PDE4DIP: variants seen among roughly 807,000 people sequenced by gnomAD.
PDE4DIP encodes phosphodiesterase 4D interacting protein.
A neutral mutation model predicts 221.4 loss-of-function variants in PDE4DIP; 59 were observed. The ratio of observed to expected loss-of-function variants is 0.27; its 90% CI spans 0.22 to 0.33. PDE4DIP has a LOEUF of 0.33. Ranked by LOEUF, PDE4DIP falls within the 10% of genes least tolerant of loss-of-function variation. The pLI, the probability that PDE4DIP is intolerant of heterozygous loss-of-function variation, is 1.00. For synonymous variants in PDE4DIP, 404 were observed against 815.9 expected (o/e 0.50, Z 8.60); for missense variants, 1,036 against 2,154.2 (o/e 0.48, Z 10.28).
At chr1:148,977,950 C>T in exon 18 of PDE4DIP, 3 of 1,613,380 alleles carry the variant, frequency 1.9e-6, no homozygotes, top group Non-Finnish European at 2.5e-6. Flanking sequence ...GAACTTTCTG[C>T]TCTACAGTCC....
In PDE4DIP at chr1:148,935,176, T is replaced by C. The variant is rs1210297831; in HGVS notation, c.519-2571T>C. On this transcript the variant is annotated intron_variant, in intron 4 of 43. Coordinates refer to ENST00000369354, the Ensembl canonical transcript of PDE4DIP. Reference sequence around the variant, plus strand: ...TTGCAGTGAGCCAAGATTGCGCCACTGCACTCCAGTCTGGCGACAGAGCAA... The same window carrying C: ...TTGCAGTGAGCCAAGATTGCGCCACCGCACTCCAGTCTGGCGACAGAGCAA... Among the ~76,000 whole-genome samples, 9 of 151,696 alleles carry C rather than the reference T, an allele frequency of 5.9e-5. No individual in the cohort carries two copies. The East Asian group carries it at 1.4e-3, about 23-fold the overall frequency.
rs371941617 is a variant in PDE4DIP, at chr1:149,028,555, C to A, written c.6670-5C>A. On this transcript the variant is annotated splice_region_variant and splice_polypyrimidine_tract_variant and intron_variant, in intron 40 of 43. Coordinates refer to ENST00000369354, the Ensembl canonical transcript of PDE4DIP. Reference sequence around the variant, plus strand: ...CTCCGCTCCTGTGGTGTTACCTTTCCCCAGGTGCTAGGCAGCAAAGGTATT... The same window carrying A: ...CTCCGCTCCTGTGGTGTTACCTTTCACCAGGTGCTAGGCAGCAAAGGTATT... The A allele has an allele frequency of 1.3e-5, 21 of 1,609,906 alleles. No homozygotes were observed. In the South Asian group the frequency reaches 2.3e-4, roughly 18 times the overall value.
intron 38 of PDE4DIP, chr1:149,025,579 C>T (rs1162549328): frequency 1.3e-5 from 2 of 151,018 alleles, no homozygotes; most frequent in African/African-American, 4.9e-5. Context: ...TCTCTTAAAT[C>T]ATTCAATTTC....
intron 38 of PDE4DIP, among the ~76,000 whole-genome samples, chr1:149,025,501 C>G (rs1285746936): frequency 3.9e-5 from 6 of 152,162 alleles, no homozygotes; most frequent in African/African-American, 1.4e-4. Context: ...CCAGGTCCCC[C>G]TTCTCAATAT....
intron 18 of PDE4DIP, 95 bp downstream of exon 21, chr1:148,978,148 T>TG: frequency 7.6e-7 from 1 of 1,322,220 alleles, no homozygotes; most frequent in Non-Finnish European, 1.1e-6. Context: ...TCGAATCCCT[T>TG]GGCCAGTGAT....
At chr1:149,019,386 A>T (rs1553615522) in intron 35 of PDE4DIP, 1 of 148,092 alleles carries the variant, frequency 6.8e-6, no homozygotes, top group African/African-American at 2.5e-5. Flanking sequence ...AAAAGGATTA[A>T]GCCCAGAATG....
chr1:148,953,900 G>C, intron 5 of PDE4DIP: 1 of 1,611,782 alleles, frequency 6.2e-7, no homozygotes, highest in Non-Finnish European at 8.5e-7. Flanking sequence ...GCCGCTCCGG[G>C]TCCAGGTATA....
exon 44 of PDE4DIP, chr1:149,032,304 G>A (rs1297633184): frequency 1.7e-6 from 1 of 589,864 alleles, no homozygotes; most frequent in Non-Finnish European, 3.0e-6. Flanking sequence ...CAGCAGCTTG[G>A]GAACTAGCAA....
At chr1:149,030,399 C>G (rs1214271519) in intron 43 of PDE4DIP, 121 bp downstream of exon 46, 3 of 1,518,570 alleles carry the variant, frequency 2.0e-6, no homozygotes, top group Admixed American at 4.1e-5. Flanking sequence ...GACTTGGGGT[C>G]CACTTGCAAG....
At chr1:148,994,633 TACATATTCATAA>T (rs1338997713) in intron 22 of PDE4DIP, among the ~76,000 whole-genome samples, 1 of 152,226 alleles carries the variant, frequency 6.6e-6, no homozygotes, top group Admixed American at 6.5e-5. Flanking sequence ...CCAAGCTAAT[TACATATTCATAA>T]ACTTACCTAC....
At chr1:148,933,657 C>A (rs2048562546) in intron 4 of PDE4DIP, among the ~76,000 whole-genome samples, 1 of 152,116 alleles carries the variant, frequency 6.6e-6, no homozygotes, top group Non-Finnish European at 1.5e-5. Context: ...TAGGCAAAAA[C>A]CACATGTGCA....
At chr1:148,943,820 GA>G (rs1186600812) in intron 5 of PDE4DIP, among the ~76,000 whole-genome samples, 1 of 138,332 alleles carries the variant, frequency 7.2e-6, no homozygotes, top group African/African-American at 2.7e-5. Flanking sequence ...CACAGTTCTG[GA>G]GGCTGGGAAG....
chr1:148,965,741 AT>A (rs1559047103), intron 10 of PDE4DIP, 99 bp downstream of exon 13: 100 of 506,920 alleles, frequency 2.0e-4, no homozygotes, highest in Non-Finnish European at 3.3e-4. Flanking sequence ...AGTCCCTGCC[AT>A]ATGGAAAACA....
intron 43 of PDE4DIP, 49 bp downstream of exon 46, chr1:149,030,327 C>T: frequency 3.2e-6 from 5 of 1,551,510 alleles, no homozygotes; most frequent in African/African-American, 1.4e-5. Flanking sequence ...GTCCCCCACC[C>T]ATCACCATCC....
intron 1 of PDE4DIP, among the ~76,000 whole-genome samples, chr1:148,890,496 G>GGC (rs1698119113): frequency 8.1e-6 from 1 of 123,676 alleles, no homozygotes; most frequent in South Asian, 2.9e-4. Context: ...GCTCATGCCT[G>GGC]TAATCCCAGC....
chr1:149,016,219 C>A (rs2070494621), intron 32 of PDE4DIP, 80 bp from the exon 36 acceptor site: 3 of 1,016,018 alleles, frequency 3.0e-6, no homozygotes, highest in South Asian at 1.6e-5. Flanking sequence ...AGTCTCTATT[C>A]TTAGCAATCA....
intron 1 of PDE4DIP, among the ~76,000 whole-genome samples, chr1:148,821,059 G>A (rs880001802): frequency 3.3e-5 from 5 of 149,964 alleles, no homozygotes; most frequent in African/African-American, 1.3e-4. Context: ...CACCGTGTTA[G>A]CCAGGATGGT....
chr1:149,022,392 A>G (rs2152732322), intron 37 of PDE4DIP, among the ~76,000 whole-genome samples: 1 of 150,878 alleles, frequency 6.6e-6, no homozygotes, highest in Non-Finnish European at 1.5e-5. Flanking sequence ...GGCTTCGGAT[A>G]TTTGAAGAAG....
At chr1:148,979,007 A>G (rs1333106857) in intron 19 of PDE4DIP, among the ~76,000 whole-genome samples, 1 of 150,930 alleles carries the variant, frequency 6.6e-6, no homozygotes, top group Admixed American at 6.6e-5. Context: ...TTTTATCTGC[A>G]TTTAACCATG....
Sources: allele counts gnomAD v4.1 joint callset (sites outside exome capture counted in the v4.1 genomes callset), GRCh38; gene constraint gnomAD v4.1.1; transcripts MANE v1.5; gene names NCBI Gene and HGNC (gene_info 2026-07-23, HGNC 2026-07-21).